The following MYO1D variants were observed in gnomAD, a reference collection of about 807,000 sequenced individuals.
MYO1D encodes unconventional myosin-Id.
MYO1D carries 83 observed loss-of-function variants against 122.0 expected under a neutral mutation model. That is an observed-to-expected ratio of 0.68 (90% CI 0.57 to 0.82). The LOEUF (loss-of-function observed/expected upper bound fraction) is 0.82, where lower values mean the gene tolerates loss of function less well. Among genes scored for constraint, MYO1D ranks in the 40% least tolerant of loss-of-function variants. The pLI is 0.00. For missense variants in MYO1D, 1,157 were observed against 1,269.5 expected (o/e 0.91, Z 1.35); for synonymous variants, 464 against 446.9 (o/e 1.04, Z -0.48).
At chr17:32,578,014 C>T (rs1483109098) in intron 21 of MYO1D, among the ~76,000 whole-genome samples, 1 of 152,230 alleles carries the variant, frequency 6.6e-6, no homozygotes, top group African/African-American at 2.4e-5. Flanking sequence ...GCTGGGATTA[C>T]AGGCGTGAGC....
At chr17:32,531,417 C>T (rs1910504834) in intron 21 of MYO1D, 1 of 152,128 alleles carries the variant, frequency 6.6e-6, no homozygotes, top group South Asian at 2.1e-4. Context: ...TGCTTAAAGT[C>T]CCCAGGGTCC....
intron 16 of MYO1D, among the ~76,000 whole-genome samples, chr17:32,688,945 G>A (rs1318715197): frequency 6.6e-6 from 1 of 150,784 alleles, no homozygotes; most frequent in African/African-American, 2.5e-5. Flanking sequence ...GTGTGTGTGT[G>A]TGTATGTGTG....
chr17:32,613,430 C>T (rs926567770), intron 20 of MYO1D, among the ~76,000 whole-genome samples: 5 of 152,062 alleles, frequency 3.3e-5, no homozygotes, highest in African/African-American at 1.2e-4. Flanking sequence ...AGATAAACAC[C>T]ATGACCATGA....
chr17:32,680,573 G>C (rs2088899118), intron 16 of MYO1D, among the ~76,000 whole-genome samples: 1 of 126,812 alleles, frequency 7.9e-6, no homozygotes, highest in African/African-American at 3.0e-5. Flanking sequence ...TTATTGATTT[G>C]CGTATATTGA....
At chr17:32,522,736 T>C (rs938715760) in intron 21 of MYO1D, among the ~76,000 whole-genome samples, 1 of 151,650 alleles carries the variant, frequency 6.6e-6, no homozygotes, top group African/African-American at 2.4e-5. Flanking sequence ...CATTACCCAC[T>C]GAGGAGGGCC....
intron 1 of MYO1D, among the ~76,000 whole-genome samples, chr17:32,871,980 C>T (rs558820964): frequency 9.9e-5 from 15 of 152,274 alleles, no homozygotes; most frequent in Non-Finnish European, 2.1e-4. Context: ...GTGGTTAGGG[C>T]TTCAAGTGGT....
At position 32,493,297 on chromosome 17, in the gene MYO1D, A is replaced by C. The variant is rs1346888756; in HGVS notation, c.*1462T>G. 1 of 152,166 alleles carries C rather than the reference A, an allele frequency of 6.6e-6. No individual in the cohort carries two copies. The highest frequency in any genetic ancestry group is 1.5e-5 in the Non-Finnish European group (1 of 68,050). The allele number at this position is 152,166 out of a possible 1,614,324, so 9.4% of individuals were successfully genotyped here. ...CAATTTTTGGGAAGCAGGGATGGGGAGTGGGCATGAGACCGGGTTGTTGGG... is the reference window on the plus strand; with the variant it reads ...CAATTTTTGGGAAGCAGGGATGGGGCGTGGGCATGAGACCGGGTTGTTGGG... On this transcript the variant is annotated 3_prime_UTR_variant, in exon 22 of 22. Transcript: ENST00000318217.
intron 1 of MYO1D, among the ~76,000 whole-genome samples, chr17:32,827,477 T>C (rs936773412): frequency 1.3e-5 from 2 of 152,136 alleles, no homozygotes; most frequent in African/African-American, 4.8e-5. Flanking sequence ...AAATGGGTAG[T>C]GGTGACAGCT....
At chr17:32,629,708 G>A (rs944818079) in intron 20 of MYO1D, among the ~76,000 whole-genome samples, 10 of 149,702 alleles carry the variant, frequency 6.7e-5, no homozygotes, top group African/African-American at 2.0e-4. Context: ...TCCAGCCTGG[G>A]TGACAAAGCG....
chr17:32,846,221 G>A (rs1450924460), intron 1 of MYO1D, among the ~76,000 whole-genome samples: 2 of 152,226 alleles, frequency 1.3e-5, no homozygotes, highest in Admixed American at 6.5e-5. Context: ...GCTGATAAGA[G>A]TAACACCTTT....
intron 13 of MYO1D, among the ~76,000 whole-genome samples, chr17:32,739,993 C>A (rs1175396982): frequency 2.0e-5 from 3 of 152,160 alleles, no homozygotes; most frequent in Non-Finnish European, 4.4e-5. Context: ...GGCTTATGAA[C>A]CCAGTTTCAT....
chr17:32,825,449 G>A (rs1437515844), intron 1 of MYO1D, among the ~76,000 whole-genome samples: 3 of 151,930 alleles, frequency 2.0e-5, no homozygotes, highest in Non-Finnish European at 4.4e-5. Flanking sequence ...GTGCCACCAC[G>A]CCTGGCTAAT....
intron 1 of MYO1D, among the ~76,000 whole-genome samples, chr17:32,844,365 T>C (rs1244194849): frequency 6.8e-6 from 1 of 146,942 alleles, no homozygotes; most frequent in African/African-American, 2.5e-5. Context: ...ATATATATTA[T>C]ATATAGTATA....
intron 1 of MYO1D, among the ~76,000 whole-genome samples, chr17:32,783,672 C>T (rs969479788): frequency 6.6e-6 from 1 of 152,210 alleles, no homozygotes; most frequent in Non-Finnish European, 1.5e-5. Flanking sequence ...AAATACAAAA[C>T]TTTCAATTTG....
Position 32,760,557 on chromosome 17 carries a change from T to C in MYO1D, c.1106A>G (p.Asp369Gly), listed in dbSNP as rs1706747671. 1.2e-6 allele frequency: 2 copies of C among 1,613,844 alleles called. No individual in the cohort carries two copies. Residue 369 changes from aspartate to glycine, a missense_variant, in exon 9 of 22, where the codon GAC becomes GGC. Asp to Gly is a moderately conservative substitution (Grantham distance 94). Transcript: ENST00000318217. ...INDIIEVKNY[D>G]TTIHGKNTVI... ...AGTGTTTTTCCCATGGATTGTGGTG[T>C]CATAGTTCTTGACCTCAATAATATC... is the stretch of plus-strand genomic sequence containing the variant.
intron 20 of MYO1D, among the ~76,000 whole-genome samples, chr17:32,628,394 A>G (rs1014648787): frequency 1.3e-5 from 2 of 152,226 alleles, no homozygotes; most frequent in African/African-American, 4.8e-5. Context: ...ATTTGTGAGA[A>G]CAGTGTTTGC....
intron 21 of MYO1D, among the ~76,000 whole-genome samples, chr17:32,513,955 T>G (rs1009511229): frequency 6.6e-6 from 1 of 151,514 alleles, no homozygotes; most frequent in Non-Finnish European, 1.5e-5. Context: ...ATTAAAAAAA[T>G]TTTTTTGGCC....
chr17:32,515,802 C>G (rs1909871882), intron 21 of MYO1D, among the ~76,000 whole-genome samples: 1 of 152,162 alleles, frequency 6.6e-6, no homozygotes, highest in Non-Finnish European at 1.5e-5. Flanking sequence ...AGGCAGCTAT[C>G]TCATAAACCA....
chr17:32,862,084 C>CG (rs1468930905), intron 1 of MYO1D, among the ~76,000 whole-genome samples: 1 of 152,076 alleles, frequency 6.6e-6, no homozygotes, highest in African/African-American at 2.4e-5. Context: ...ATTGTTCCCC[C>CG]GCTCCCCACC....
Sources: allele counts gnomAD v4.1 joint callset (sites outside exome capture counted in the v4.1 genomes callset), GRCh38; gene constraint gnomAD v4.1.1; transcripts MANE v1.5; gene names NCBI Gene and HGNC (gene_info 2026-07-23, HGNC 2026-07-21).